Variants in THSD7A observed in about 807,000 individuals in gnomAD.
The protein encoded by THSD7A is thrombospondin type-1 domain-containing protein 7A.
A neutral mutation model predicts 231.3 loss-of-function variants in THSD7A; 96 were observed. The observed-to-expected ratio is 0.41, with a 90% CI of 0.35 to 0.49. THSD7A has a LOEUF of 0.49. Among genes scored for constraint, THSD7A ranks in the 20% least tolerant of loss-of-function variants. THSD7A has a pLI of 0.05. For missense variants in THSD7A, 2,290 were observed against 2,070.2 expected (o/e 1.11, Z -2.06); for synonymous variants, 940 against 743.3 (o/e 1.26, Z -4.30).
intron 4 of THSD7A, among the ~76,000 whole-genome samples, chr7:11,545,713 C>A (rs1292845400): frequency 6.6e-6 from 1 of 152,188 alleles, no homozygotes; most frequent in Non-Finnish European, 1.5e-5. Context: ...CAGGGGAACC[C>A]ACTCCTCAAC....
At chr7:11,477,535 C>CTTTA (rs1451491118) in intron 7 of THSD7A, among the ~76,000 whole-genome samples, 1 of 151,898 alleles carries the variant, frequency 6.6e-6, no homozygotes, top group Non-Finnish European at 1.5e-5. Flanking sequence ...GAATTTATTC[C>CTTTA]TTTATTTATT....
At position 11,376,621 on chromosome 7, in the gene THSD7A, G is replaced by T; in HGVS notation, c.4838C>A (p.Ala1613Asp). Reference protein sequence around the residue: ...RLKTWVYGVAAGAFVLLIFIV... With the variant: ...RLKTWVYGVADGAFVLLIFIV... The stretch of plus-strand genomic sequence containing the variant: ...AAAGATGAGTAACACAAATGCCCCA[G>T]CTGCTACACCGTAAACCCAGGTCTT... Residue 1613 changes from alanine (A) to aspartate (D), a missense_variant, in exon 27 of 28, where the codon GCT (alanine) becomes GAT (aspartate). By Grantham distance (126) the Ala-to-Asp change is moderately radical. Transcript: ENST00000423059. 1 of 1,588,490 alleles carries T rather than the reference G, an allele frequency of 6.3e-7. No individual in the cohort carries two copies. The highest frequency in any genetic ancestry group is 8.6e-7 in the Non-Finnish European group (1 of 1,166,602).
intron 2 of THSD7A, 139 bp from the exon 3 acceptor site, chr7:11,593,641 A>AAATGTTGATG: frequency 9.8e-7 from 1 of 1,016,442 alleles, no homozygotes; most frequent in Non-Finnish European, 1.4e-6. Context: ...AAATACATCA[A>AAATGTTGATG]CATTTATGAT....
intron 3 of THSD7A, among the ~76,000 whole-genome samples, chr7:11,591,816 A>G (rs970492749): frequency 1.3e-5 from 2 of 152,176 alleles, no homozygotes; most frequent in Non-Finnish European, 2.9e-5. Flanking sequence ...CAAATAGATC[A>G]TTTGTTAAGG....
chr7:11,440,682 G>T (rs1784776185), intron 13 of THSD7A, among the ~76,000 whole-genome samples: 1 of 152,030 alleles, frequency 6.6e-6, no homozygotes, highest in Admixed American at 6.6e-5. Context: ...CTGAAGATGT[G>T]ACTGGATTGC....
chr7:11,620,395 CTA>C (rs1193883896), intron 2 of THSD7A, among the ~76,000 whole-genome samples: 1 of 151,982 alleles, frequency 6.6e-6, no homozygotes, highest in East Asian at 1.9e-4. Context: ...TCATTTTTCA[CTA>C]ATGAAATAAT....
intron 6 of THSD7A, among the ~76,000 whole-genome samples, chr7:11,494,889 C>T (rs1417882164): frequency 1.3e-5 from 2 of 151,910 alleles, no homozygotes; most frequent in Non-Finnish European, 2.9e-5. Context: ...CTTTTTCTTT[C>T]AGAGATAATC....
rs913370768 is a variant in THSD7A, at chr7:11,590,661, C to T, written c.1272-20G>A. ...CCATACCTAAATAAAGACAACACCA[C>T]CAGCAGCAACCATAATTATTGAATG... On this transcript the variant is annotated intron_variant, in intron 3 of 27. Transcript: ENST00000423059. The surrounding 1 kb of genome is among the most constrained non-coding windows in gnomAD (Gnocchi z 4.4). The T allele has an allele frequency of 5.1e-6, 8 of 1,576,092 alleles. No individual in the cohort carries two copies. The Admixed American group carries it at 1.1e-4, about 22-fold the overall frequency.
At chr7:11,810,663 C>T (rs191198899) in intron 1 of THSD7A, among the ~76,000 whole-genome samples, 1 of 152,156 alleles carries the variant, frequency 6.6e-6, no homozygotes, top group Non-Finnish European at 1.5e-5. Context: ...TCAGATTTAA[C>T]TTTCCATTCC....
intron 2 of THSD7A, among the ~76,000 whole-genome samples, chr7:11,621,657 A>G (rs912765740): frequency 1.3e-5 from 2 of 152,170 alleles, no homozygotes; most frequent in African/African-American, 2.4e-5. Flanking sequence ...AAAGAAAAGC[A>G]TAAAGAATCT....
chr7:11,735,354 C>T lies in THSD7A; in HGVS notation c.190+96403G>A, dbSNP rs117783721. On this transcript the variant is annotated intron_variant, in intron 1 of 27. Transcript: ENST00000423059. ...AAAAAATCCAAAATCTGAAATGCTC[C>T]GAAATAGAAAACTTTTTGAGTGCCA... Among the ~76,000 whole-genome samples the T allele has an allele frequency of 8.2e-3, 1,244 of 151,810 alleles. 15 individuals are homozygous for T. Among genetic ancestry groups the T allele is most frequent in the Middle Eastern group, 0.01 (3 of 294 alleles).
chr7:11,607,867 C>A (rs1000008953), intron 2 of THSD7A, among the ~76,000 whole-genome samples: 2 of 152,112 alleles, frequency 1.3e-5, no homozygotes, highest in African/African-American at 4.8e-5. Context: ...GTGTCACCTG[C>A]CAGCTGGAGT....
chr7:11,376,304 A>T (rs1406306361), intron 27 of THSD7A, among the ~76,000 whole-genome samples: 1 of 152,090 alleles, frequency 6.6e-6, no homozygotes, highest in Non-Finnish European at 1.5e-5. Flanking sequence ...TCTACAGTTC[A>T]CCATATTGAG....
intron 1 of THSD7A, among the ~76,000 whole-genome samples, chr7:11,658,873 T>A (rs1366013706): frequency 6.6e-6 from 1 of 151,716 alleles, no homozygotes; most frequent in Non-Finnish European, 1.5e-5. Flanking sequence ...ATGTAAGATG[T>A]ACTGTATCTT....
rs951624737 is a variant in THSD7A, at chr7:11,577,288, C to G, written c.1453+13172G>C. Among the ~76,000 whole-genome samples the G allele has an allele frequency of 4.1e-5, 6 of 146,104 alleles. 2 individuals carry two copies. Among genetic ancestry groups the G allele is most frequent in the Admixed American group, 6.9e-5 (1 of 14,538 alleles). ...CAGATCTAGCTGAGCACATATAAAA[C>G]AATAGAAGTGTTTTCTAAACTCTAT... On this transcript the variant is annotated intron_variant, in intron 4 of 27. Transcript: ENST00000423059.
chr7:11,673,428 C>T (rs1005731170), intron 1 of THSD7A, among the ~76,000 whole-genome samples: 12 of 152,158 alleles, frequency 7.9e-5, no homozygotes, highest in African/African-American at 2.7e-4. Flanking sequence ...CAAGGCTCTC[C>T]ATCTTGCACA....
At chr7:11,385,360 T>C (rs369588285) in intron 23 of THSD7A, 2 of 152,110 alleles carry the variant, frequency 1.3e-5, no homozygotes, top group Admixed American at 6.6e-5. Flanking sequence ...TGTTCTGTTA[T>C]TGATTCCAAG....
At chr7:11,548,161 A>C (rs979831198) in intron 4 of THSD7A, among the ~76,000 whole-genome samples, 1 of 152,150 alleles carries the variant, frequency 6.6e-6, no homozygotes, top group Non-Finnish European at 1.5e-5. Flanking sequence ...ACACAGTAAG[A>C]AATGACAAAG....
chr7:11,616,365 G>C (rs1293593712), intron 2 of THSD7A, among the ~76,000 whole-genome samples: 1 of 151,960 alleles, frequency 6.6e-6, no homozygotes, highest in African/African-American at 2.4e-5. Flanking sequence ...TCCTGTGTTG[G>C]ACATACAACA....
Sources: allele counts gnomAD v4.1 joint callset (sites outside exome capture counted in the v4.1 genomes callset), GRCh38; gene constraint gnomAD v4.1.1; non-coding constraint Gnocchi (gnomAD v3.1); transcripts MANE v1.5; gene names NCBI Gene and HGNC (gene_info 2026-07-23, HGNC 2026-07-21).